Variants in EXT1 observed in about 807,000 individuals in gnomAD.
EXT1 encodes the protein exostosin glycosyltransferase 1.
Under a neutral mutation model 82.5 loss-of-function variants are expected in EXT1, and 20 were observed. The observed-to-expected ratio is 0.24, with a 90% CI of 0.17 to 0.35. EXT1 has a LOEUF of 0.35. Among genes scored for constraint, EXT1 ranks in the 10% least tolerant of loss-of-function variants. The pLI, the probability that EXT1 is intolerant of heterozygous loss-of-function variation, is 1.00. For missense variants in EXT1, 757 were observed against 936.5 expected, an observed-to-expected ratio of 0.81 and a Z score of 2.50; for synonymous variants, 348 against 350.8, an observed-to-expected ratio of 0.99 and a Z score of 0.09.
intron 1 of EXT1, among the ~76,000 whole-genome samples, chr8:117,922,317 A>C (rs1813872042): frequency 6.6e-6 from 1 of 151,850 alleles, no homozygotes; most frequent in Admixed American, 6.6e-5. Flanking sequence ...AACAAACAAA[A>C]ACCCTGGCAA....
chr8:118,065,145 C>T (rs115052517), intron 1 of EXT1, among the ~76,000 whole-genome samples: 3,015 of 152,102 alleles, frequency 0.02, 69 homozygotes, highest in African/African-American at 0.053. Context: ...GAGTCACCGC[C>T]CCTGGCCTTT....
At chr8:117,874,710 T>C (rs1053847027) in intron 1 of EXT1, among the ~76,000 whole-genome samples, 1 of 152,176 alleles carries the variant, frequency 6.6e-6, no homozygotes, top group African/African-American at 2.4e-5. Flanking sequence ...AGCATACTAC[T>C]GACAATGTGA....
chr8:117,821,086 C>T (rs1811917297), intron 5 of EXT1, among the ~76,000 whole-genome samples: 1 of 152,158 alleles, frequency 6.6e-6, no homozygotes, highest in African/African-American at 2.4e-5. Flanking sequence ...ACTAATTTGG[C>T]ACTTTAGTGG....
intron 8 of EXT1, among the ~76,000 whole-genome samples, chr8:117,810,323 G>A (rs987806612): frequency 6.6e-6 from 1 of 152,156 alleles, no homozygotes; most frequent in African/African-American, 2.4e-5. Context: ...AAAGAGAAAA[G>A]AGAAATCCTT....
At chr8:117,951,862 T>C (rs944382071) in intron 1 of EXT1, among the ~76,000 whole-genome samples, 26 of 152,200 alleles carry the variant, frequency 1.7e-4, no homozygotes, top group African/African-American at 5.5e-4. Context: ...ATATGTGAAA[T>C]TCAAATTTCA....
intron 1 of EXT1, among the ~76,000 whole-genome samples, chr8:117,881,695 G>T (rs1813061393): frequency 6.6e-6 from 1 of 152,182 alleles, no homozygotes; most frequent in Middle Eastern, 3.2e-3. Flanking sequence ...AAGCCGGCTG[G>T]TCTGCAAAAA....
At chr8:118,036,276 G>A (rs7829932) in intron 1 of EXT1, among the ~76,000 whole-genome samples, 3,419 of 151,776 alleles carry the variant, frequency 0.023, 108 homozygotes, top group African/African-American at 0.078. Context: ...CAGTATTCAG[G>A]CTGTTAGCCA....
Position 118,110,179 on chromosome 8 carries a change from C to G in EXT1, c.868G>C (p.Glu290Gln), listed in dbSNP as rs759708614. Residue 290 changes from glutamate to glutamine, a missense_variant, in exon 1 of 11, where the codon GAG becomes CAG. Around this residue, in one of 4 missense-constraint regions of EXT1, gnomAD observed 247 missense variants for 330.1 expected, o/e 0.75. Transcript: ENST00000378204. ...RNALYHVHNG[E>Q]DVVLLTTCKH... ...CAGGTGGTGAGGAGCACAACGTCCT[C>G]CCCGTTATGGACGTGATATAAGGCA... 2.5e-6 allele frequency: 4 copies of G among 1,614,212 alleles called. No homozygotes were observed. The highest frequency in any genetic ancestry group is 3.4e-6 in the Non-Finnish European group (4 of 1,180,046).
At chr8:118,019,344 T>C (rs900778757) in intron 1 of EXT1, among the ~76,000 whole-genome samples, 7 of 152,198 alleles carry the variant, frequency 4.6e-5, no homozygotes, top group African/African-American at 1.2e-4. Context: ...CTTGAGCACA[T>C]GTATCTCTAA....
At chr8:117,842,435 G>A (rs1156617029) in intron 1 of EXT1, among the ~76,000 whole-genome samples, 1 of 152,148 alleles carries the variant, frequency 6.6e-6, no homozygotes, top group East Asian at 1.9e-4. Context: ...GAAAATCTGG[G>A]CTAAGGAATT....
intron 1 of EXT1, among the ~76,000 whole-genome samples, chr8:117,902,189 T>C (rs1563595885): frequency 6.6e-6 from 1 of 152,052 alleles, no homozygotes. Flanking sequence ...TCATCTCCTA[T>C]GACAACAATG....
rs1817904608 is a variant in EXT1, at chr8:118,111,575, G to A, written c.-529C>T. 9.3e-6 allele frequency: 4 copies of A among 428,430 alleles called. No homozygotes were observed. The highest frequency in any genetic ancestry group is 7.7e-5 in the Admixed American group (2 of 25,840). The allele number at this position is 428,430 out of a possible 1,614,324, so 26.5% of individuals were successfully genotyped here. A position where few individuals can be genotyped will look rare whatever the true frequency, so the allele number is the denominator to read the frequency against. On this transcript the variant is annotated 5_prime_UTR_variant, in exon 1 of 11. Transcript: ENST00000378204. The stretch of plus-strand genomic sequence containing the variant: ...GGCTAGTGCATCTTGCAGCTGGGGC[G>A]CCGTAACCTCACAAATCCCTGCATC...
Position 118,002,273 on chromosome 8 carries a change from T to C in EXT1, c.962+107812A>G, listed in dbSNP as rs574116654. On this transcript the variant is annotated intron_variant, in intron 1 of 10. Coordinates refer to ENST00000378204, the MANE Select transcript of EXT1 (RefSeq NM_000127.3). The stretch of plus-strand genomic sequence containing the variant: ...GAAGATTTAAGTTAAAAATGGTTTG[T>C]GGGAGGCTGAGACAGGAGAACCGCT... Among the ~76,000 whole-genome samples, 12 of 148,398 alleles carry C rather than the reference T, an allele frequency of 8.1e-5. 1 individual carries two copies. The South Asian group carries it at 2.6e-3, about 32-fold the overall frequency.
In EXT1 at chr8:117,966,964, C is replaced by G. The variant is rs1814830331; in HGVS notation, c.963-129763G>C. 3.3e-5 allele frequency among the ~76,000 whole-genome samples: 5 copies of G among 152,144 alleles called. No homozygotes were observed. In the South Asian group the frequency reaches 1.0e-3, roughly 32 times the overall value. The stretch of plus-strand genomic sequence containing the variant: ...CTATTTCATGCATAATTACCATGCA[C>G]TATATTTTGATGTGATCCTAATGGC... On this transcript the variant is annotated intron_variant, in intron 1 of 10. Transcript: ENST00000378204.
chr8:117,826,395 A>C (rs975830579), intron 4 of EXT1, among the ~76,000 whole-genome samples: 13 of 152,360 alleles, frequency 8.5e-5, no homozygotes, highest in Admixed American at 8.5e-4. Flanking sequence ...GAACATCCTT[A>C]GCCCAGGATC....
intron 1 of EXT1, among the ~76,000 whole-genome samples, chr8:117,875,420 C>CTAAATAAATAAA (rs67268592): frequency 5.0e-5 from 7 of 139,272 alleles, no homozygotes; most frequent in South Asian, 2.4e-4. Context: ...AACTACCTCT[C>CTAAATAAATAAA]TAAATAAATA....
intron 1 of EXT1, among the ~76,000 whole-genome samples, chr8:117,929,740 C>G (rs1015002299): frequency 6.6e-6 from 1 of 152,220 alleles, no homozygotes; most frequent in African/African-American, 2.4e-5. Context: ...ACATGCTTCT[C>G]TCAGCATGGA....
intron 8 of EXT1, among the ~76,000 whole-genome samples, chr8:117,812,548 C>T (rs970945111): frequency 2.6e-5 from 4 of 152,168 alleles, no homozygotes; most frequent in Non-Finnish European, 5.9e-5. Context: ...CACCCTCCCC[C>T]TTCCCCTCAG....
At position 118,111,222 on chromosome 8, in the gene EXT1, G is replaced by A; in HGVS notation, c.-176C>T. 1 of 896,644 alleles carries A rather than the reference G, an allele frequency of 1.1e-6. No individual in the cohort carries two copies. The highest frequency in any genetic ancestry group is 1.7e-6 in the Non-Finnish European group (1 of 577,310). 55.5% of individuals were successfully genotyped at this position (896,644 alleles called of 1,614,324 possible). ...GTGGACTGATCCAGCGCATGTGGGCGATTTCTTTAACTTTCTCCCCTTCGG... is the reference window on the plus strand; with the variant it reads ...GTGGACTGATCCAGCGCATGTGGGCAATTTCTTTAACTTTCTCCCCTTCGG... On this transcript the variant is annotated 5_prime_UTR_variant, in exon 1 of 11. Transcript: ENST00000378204.
Sources: gnomAD v4.1 joint callset for allele counts (sites outside exome capture counted in the v4.1 genomes callset) on GRCh38, gnomAD v4.1.1 for gene constraint, gnomAD v4.1.1 regional missense constraint, MANE v1.5 for transcripts, NCBI Gene and HGNC (gene_info 2026-07-23, HGNC 2026-07-21) for gene names.